The following WWOX variants were observed in gnomAD, a reference collection of about 807,000 sequenced individuals.
WWOX encodes WW domain containing oxidoreductase, also known as WW domain-containing oxidoreductase.
In WWOX, 69 loss-of-function variants were observed where a neutral mutation model predicts 46.2. That is an observed-to-expected ratio of 1.49 (90% confidence interval 1.23 to 1.82). WWOX has a LOEUF of 1.82. WWOX is among the 40% of genes most tolerant of loss of function. WWOX has a pLI of 0.00. For missense variants in WWOX, 919 were observed against 542.6 expected (o/e 1.69, Z -6.89); for synonymous variants, 359 against 202.6 (o/e 1.77, Z -6.56).
At chr16:78,601,982 A>G (rs1379458054) in intron 8 of WWOX, among the ~76,000 whole-genome samples, 1 of 152,210 alleles carries the variant, frequency 6.6e-6, no homozygotes, top group Admixed American at 6.5e-5. Context: ...TCTAACAATA[A>G]ATTATAGAGT....
At chr16:78,778,269 G>C (rs941383333) in intron 8 of WWOX, among the ~76,000 whole-genome samples, 3 of 152,042 alleles carry the variant, frequency 2.0e-5, no homozygotes, top group African/African-American at 7.2e-5. Flanking sequence ...TGGAGCTCTT[G>C]GCAATACTCT....
intron 8 of WWOX, among the ~76,000 whole-genome samples, chr16:78,728,766 G>C (rs904927847): frequency 2.6e-5 from 4 of 152,254 alleles, no homozygotes; most frequent in Admixed American, 6.5e-5. Context: ...CTTGTAAAGA[G>C]AGTTAAGTGA....
intron 8 of WWOX, among the ~76,000 whole-genome samples, chr16:78,584,331 G>C (rs1029119004): frequency 1.3e-5 from 2 of 152,192 alleles, no homozygotes; most frequent in African/African-American, 4.8e-5. Flanking sequence ...CAAGATGAAG[G>C]TGTTTGCATT....
chr16:78,335,881 C>T (rs532104275), intron 5 of WWOX, among the ~76,000 whole-genome samples: 1 of 152,072 alleles, frequency 6.6e-6, no homozygotes, highest in African/African-American at 2.4e-5. Flanking sequence ...CGCTTGAGGC[C>T]AGGAGTTTGA....
chr16:78,946,116 G>A (rs2011480), intron 8 of WWOX, among the ~76,000 whole-genome samples: 32,186 of 151,986 alleles, frequency 0.21, 3,930 homozygotes, highest in African/African-American at 0.35. Flanking sequence ...AATTCCTCCA[G>A]TTAATTTTAC....
chr16:78,724,961 G>A (rs1426323128), intron 8 of WWOX, among the ~76,000 whole-genome samples: 1 of 152,114 alleles, frequency 6.6e-6, no homozygotes, highest in East Asian at 1.9e-4. Flanking sequence ...GGTGCTTGTT[G>A]CATTAATGCA....
chr16:79,032,427 G>A (rs1388274950), intron 8 of WWOX, among the ~76,000 whole-genome samples: 2 of 145,928 alleles, frequency 1.4e-5, no homozygotes, highest in African/African-American at 2.5e-5. Flanking sequence ...ATATTATGTT[G>A]AGAGTGTATA....
intron 8 of WWOX, among the ~76,000 whole-genome samples, chr16:79,052,315 T>G (rs1347583759): frequency 1.3e-5 from 2 of 152,168 alleles, no homozygotes; most frequent in Non-Finnish European, 2.9e-5. Context: ...TTGCGATAGT[T>G]TACTGACAGT....
intron 8 of WWOX, among the ~76,000 whole-genome samples, chr16:78,967,935 C>G (rs1386222705): frequency 6.6e-6 from 1 of 152,180 alleles, no homozygotes; most frequent in African/African-American, 2.4e-5. Flanking sequence ...TCTTCCTTTC[C>G]TCACCCCCAG....
At position 78,686,691 on chromosome 16, in the gene WWOX, G is replaced by A. The variant is rs546561447; in HGVS notation, c.1056+253939G>A. On this transcript the variant is annotated intron_variant, in intron 8 of 8. Coordinates refer to ENST00000566780, the MANE Select transcript of WWOX (RefSeq NM_016373.4). The stretch of plus-strand genomic sequence containing the variant: ...ACCAATGATAAGGACATTTTTCCGG[G>A]AATCCAGTTGTTTTAGGAAAGGCCC... 3.9e-5 allele frequency among the ~76,000 whole-genome samples: 6 copies of A among 152,172 alleles called. No homozygotes were observed. The South Asian group carries it at 1.2e-3, about 32-fold the overall frequency.
At chr16:78,506,826 C>T (rs1052831174) in intron 8 of WWOX, among the ~76,000 whole-genome samples, 2 of 151,366 alleles carry the variant, frequency 1.3e-5, no homozygotes, top group Non-Finnish European at 2.9e-5. Context: ...GATTCTCCTG[C>T]CTCAGCCTCC....
At position 78,600,988 on chromosome 16, in the gene WWOX, C is replaced by A. The variant is rs937413276; in HGVS notation, c.1056+168236C>A. On this transcript the variant is annotated intron_variant, in intron 8 of 8. Transcript: ENST00000566780. ...CTTTCCTACTAGAGCTTCTGCCATC[C>A]CTCTGTCACTATTTAAAGCATTGCC... is the stretch of plus-strand genomic sequence containing the variant. 4.6e-5 allele frequency among the ~76,000 whole-genome samples: 7 copies of A among 152,124 alleles called. No individual in the cohort carries two copies. In the East Asian group the frequency reaches 1.4e-3, roughly 29 times the overall value.
At chr16:78,677,486 G>A (rs2047629425) in intron 8 of WWOX, among the ~76,000 whole-genome samples, 1 of 152,120 alleles carries the variant, frequency 6.6e-6, no homozygotes, top group African/African-American at 2.4e-5. Context: ...AAAAACACAG[G>A]TCAAACATCC....
chr16:79,010,729 G>A (rs934847675), intron 8 of WWOX, among the ~76,000 whole-genome samples: 4 of 151,518 alleles, frequency 2.6e-5, no homozygotes, highest in African/African-American at 9.7e-5. Context: ...GGTACCAAGG[G>A]GTAGAGATGG....
chr16:78,993,082 G>C (rs1279659360), intron 8 of WWOX, among the ~76,000 whole-genome samples: 2 of 151,806 alleles, frequency 1.3e-5, no homozygotes, highest in Non-Finnish European at 2.9e-5. Context: ...CCTTCTTTCG[G>C]GGAGGAAATT....
At chr16:79,018,081 G>A (rs1255467978) in intron 8 of WWOX, among the ~76,000 whole-genome samples, 1 of 152,188 alleles carries the variant, frequency 6.6e-6, no homozygotes, top group East Asian at 1.9e-4. Flanking sequence ...GAGTTTCTCG[G>A]ACCTATGAGC....
At chr16:78,864,134 C>G (rs984154090) in intron 8 of WWOX, among the ~76,000 whole-genome samples, 1 of 152,164 alleles carries the variant, frequency 6.6e-6, no homozygotes, top group Non-Finnish European at 1.5e-5. Context: ...AAACTACCTA[C>G]CTAACCACCT....
intron 5 of WWOX, among the ~76,000 whole-genome samples, chr16:78,323,837 C>T (rs992349973): frequency 6.6e-6 from 1 of 152,150 alleles, no homozygotes; most frequent in Non-Finnish European, 1.5e-5. Context: ...GAGCCTAAAA[C>T]TGGATAGGAA....
At chr16:78,718,662 C>G (rs1290212688) in intron 8 of WWOX, among the ~76,000 whole-genome samples, 1 of 152,058 alleles carries the variant, frequency 6.6e-6, no homozygotes, top group Non-Finnish European at 1.5e-5. Flanking sequence ...GAGCTATGAT[C>G]ACACCACAGC....
Sources: gnomAD v4.1 joint callset for allele counts (sites outside exome capture counted in the v4.1 genomes callset) on GRCh38, gnomAD v4.1.1 for gene constraint, MANE v1.5 for transcripts, NCBI Gene and HGNC (gene_info 2026-07-23, HGNC 2026-07-21) for gene names.